Variants in AVEN observed in about 807,000 individuals in gnomAD.
The protein encoded by AVEN is cell death regulator Aven.
AVEN carries 41 observed loss-of-function variants against 38.1 expected under a neutral mutation model. That is an observed-to-expected ratio of 1.08 (90% confidence interval 0.84 to 1.40). The LOEUF (loss-of-function observed/expected upper bound fraction) is 1.40, where lower values mean the gene tolerates loss of function less well. AVEN is among the 40% of genes most tolerant of loss of function. The pLI is 0.00. For synonymous variants in AVEN, 206 were observed against 171.8 expected (o/e 1.20, Z -1.56); for missense variants, 605 against 438.8 (o/e 1.38, Z -3.38).
At chr15:33,853,763 G>T in the AVEN span, 1 of 1,525,314 alleles carries the variant, frequency 6.6e-7, no homozygotes, top group Non-Finnish European at 8.8e-7. Flanking sequence ...AATCACAACC[G>T]TGTCTTTGTT....
At chr15:33,896,697 T>C (rs1050585202) in intron 2 of AVEN, among the ~76,000 whole-genome samples, 3 of 152,196 alleles carry the variant, frequency 2.0e-5, no homozygotes, top group Non-Finnish European at 4.4e-5. Context: ...ATCCCTCTCA[T>C]CATCTGCCTG....
At chr15:33,910,040 A>T (rs1567409100) in intron 2 of AVEN, among the ~76,000 whole-genome samples, 1 of 151,916 alleles carries the variant, frequency 6.6e-6, no homozygotes, top group Non-Finnish European at 1.5e-5. Flanking sequence ...AGGCAGAAGA[A>T]TCACTTGAAC....
At chr15:33,875,571 G>GTCAGTCAGTTGT (rs1891188207) in intron 3 of AVEN, among the ~76,000 whole-genome samples, 1 of 152,194 alleles carries the variant, frequency 6.6e-6, no homozygotes, top group Non-Finnish European at 1.5e-5. Context: ...AACAGTGAGA[G>GTCAGTCAGTTGT]ACAGAAAACT....
downstream of AVEN, chr15:33,855,939 C>G (rs922353891): frequency 6.6e-6 from 1 of 152,158 alleles, no homozygotes; most frequent in Non-Finnish European, 1.5e-5. Context: ...GTATGACAGA[C>G]AGGCTTCCTC....
At position 33,867,863 on chromosome 15, in the gene AVEN, A is replaced by T; in HGVS notation, c.613-8T>A. The T allele has an allele frequency of 6.4e-7, 1 of 1,553,378 alleles. No homozygotes were observed. Among genetic ancestry groups the T allele is most frequent in the Non-Finnish European group, 8.7e-7 (1 of 1,155,728 alleles). On this transcript the variant is annotated splice_polypyrimidine_tract_variant and splice_region_variant and intron_variant, in intron 4 of 5. Coordinates refer to ENST00000306730, the MANE Select transcript of AVEN (RefSeq NM_020371.3). ...CTCTAAAGGAACTGTACCCTGAAAG[A>T]GAAGTATAAAAACTGAGTTAAAAAT...
chr15:34,063,446 GC>G lies in AVEN; in HGVS notation n.1127-15del. ...CTGTGACCAAAGCTGAGAAGAGAAA[GC>G]CAGCTCATAGGGCTCTGTTCAGATC... is the stretch of plus-strand genomic sequence containing the variant. On this transcript the variant is annotated splice_polypyrimidine_tract_variant and intron_variant and non_coding_transcript_variant, in intron 4 of 11. Coordinates refer to the AVEN transcript ENST00000675287. This position sits in a 1 kb window ranked among gnomAD's most constrained non-coding sequence, Gnocchi z 4.1. The G allele has an allele frequency of 2.5e-6, 4 of 1,613,826 alleles. No homozygotes were observed. The highest frequency in any genetic ancestry group is 2.5e-6 in the Non-Finnish European group (3 of 1,180,034).
intron 5 of AVEN, among the ~76,000 whole-genome samples, chr15:34,061,780 C>T (rs551099907): frequency 6.6e-6 from 1 of 152,218 alleles, no homozygotes; most frequent in East Asian, 1.9e-4. Context: ...TGTAAAACCC[C>T]CTAGATGAAA....
intron 2 of AVEN, among the ~76,000 whole-genome samples, chr15:33,973,712 CTATT>C (rs1895739395): frequency 6.6e-6 from 1 of 152,120 alleles, no homozygotes; most frequent in African/African-American, 2.4e-5. Flanking sequence ...ATAAGAAAAT[CTATT>C]TATATAGTTG....
intron 4 of AVEN, among the ~76,000 whole-genome samples, chr15:33,869,250 G>T (rs532986512): frequency 1.3e-5 from 2 of 152,202 alleles, no homozygotes; most frequent in Non-Finnish European, 2.9e-5. Context: ...TGATTCTAAT[G>T]TGCAAACAAG....
At chr15:33,884,583 G>A (rs1045643397) in intron 2 of AVEN, among the ~76,000 whole-genome samples, 2 of 152,110 alleles carry the variant, frequency 1.3e-5, no homozygotes, top group African/African-American at 4.8e-5. Context: ...AAACTTGCTA[G>A]AACTCCTCAG....
At chr15:33,871,303 A>G (rs749003743) in intron 3 of AVEN, among the ~76,000 whole-genome samples, 1 of 152,192 alleles carries the variant, frequency 6.6e-6, no homozygotes. Context: ...GCAGTGGCTC[A>G]TGCCCGTAAT....
intron 5 of AVEN, among the ~76,000 whole-genome samples, chr15:34,046,207 A>C (rs1336695341): frequency 1.3e-5 from 2 of 152,196 alleles, no homozygotes; most frequent in Non-Finnish European, 2.9e-5. Context: ...CTCAGTTTTC[A>C]TACTCAACTA....
intron 2 of AVEN, among the ~76,000 whole-genome samples, chr15:33,888,615 A>G (rs1891804637): frequency 6.6e-6 from 1 of 152,230 alleles, no homozygotes; most frequent in African/African-American, 2.4e-5. Flanking sequence ...AGATGTCAAT[A>G]TTAATGTTTA....
At chr15:34,024,472 CAA>C (rs10531898) in intron 1 of AVEN, among the ~76,000 whole-genome samples, 41,822 of 100,976 alleles carry the variant, frequency 0.41, 7,360 homozygotes, top group Non-Finnish European at 0.52. Context: ...GACCCTGTCT[CAA>C]AAAAAAAAAA....
intron 2 of AVEN, among the ~76,000 whole-genome samples, chr15:33,962,279 T>C (rs1895219212): frequency 6.6e-6 from 1 of 152,196 alleles, no homozygotes; most frequent in Admixed American, 6.5e-5. Flanking sequence ...CTCAAGTATT[T>C]CAGAAGGTAA....
downstream of AVEN, chr15:33,865,725 G>GAAAC (rs1423432695): frequency 5.9e-5 from 9 of 153,428 alleles, no homozygotes; most frequent in Non-Finnish European, 4.4e-5. Flanking sequence ...AGCAGTTAAA[G>GAAAC]AAACAGAAAA....
Position 33,866,502 on chromosome 15 carries a change from C to CACACTAGCTTG in AVEN, c.*100_*110dup, listed in dbSNP as rs1462601341. 2.8e-6 allele frequency: 2 copies of CACACTAGCTTG among 723,952 alleles called. No individual in the cohort carries two copies. Among genetic ancestry groups the CACACTAGCTTG allele is most frequent in the Non-Finnish European group, 4.7e-6 (2 of 421,886 alleles). The allele number at this position is 723,952 out of a possible 1,614,324, so 44.8% of individuals were successfully genotyped here. A position where few individuals can be genotyped will look rare whatever the true frequency, so the allele number is the denominator to read the frequency against. ...ATTTACTGCTGTGAGCATAATGGAA[C>CACACTAGCTTG]ACACTAGCTTGAGACATGCTTGTAA... On this transcript the variant is annotated 3_prime_UTR_variant, in exon 6 of 6. Transcript: ENST00000306730.
intron 2 of AVEN, among the ~76,000 whole-genome samples, chr15:33,964,610 T>C (rs114113749): frequency 0.014 from 2,208 of 152,282 alleles, 54 homozygotes; most frequent in African/African-American, 0.05. Flanking sequence ...CTCTAGTTCA[T>C]ATCCCCCCTC....
At chr15:34,042,630 C>T (rs889200144), upstream of AVEN, among the ~76,000 whole-genome samples, 5 of 151,712 alleles carry the variant, frequency 3.3e-5, no homozygotes, top group South Asian at 2.1e-4. Context: ...CTCAAACTCC[C>T]GACCTCAGGT....
Sources: allele counts gnomAD v4.1 joint callset (sites outside exome capture counted in the v4.1 genomes callset), GRCh38; gene constraint gnomAD v4.1.1; non-coding constraint Gnocchi (gnomAD v3.1); transcripts MANE v1.5; gene names NCBI Gene and HGNC (gene_info 2026-07-23, HGNC 2026-07-21).